Variants in DCAF6 observed in about 807,000 individuals in gnomAD.
The protein encoded by DCAF6 is DDB1- and CUL4-associated factor 6.
DCAF6 carries 54 observed loss-of-function variants against 125.1 expected under a neutral mutation model. That is an observed-to-expected ratio of 0.43 (90% CI 0.35 to 0.54). The LOEUF (loss-of-function observed/expected upper bound fraction) is 0.54. Among genes scored for constraint, DCAF6 ranks in the 20% least tolerant of loss-of-function variants. DCAF6 has a pLI of 0.01. For synonymous variants in DCAF6, 371 were observed against 390.4 expected (o/e 0.95, Z 0.58); for missense variants, 934 against 1,161.7 (o/e 0.80, Z 2.85).
the DCAF6 span, among the ~76,000 whole-genome samples, chr1:167,879,455 C>T: frequency 2.0e-5 from 3 of 151,966 alleles, no homozygotes; most frequent in Admixed American, 6.6e-5. Context: ...GAAATTTGAC[C>T]ATAAAATAAA....
chr1:168,039,263 A>G (rs1039388956), intron 13 of DCAF6, among the ~76,000 whole-genome samples: 1 of 152,020 alleles, frequency 6.6e-6, no homozygotes, highest in Non-Finnish European at 1.5e-5. Context: ...TATACGATTT[A>G]CTGTCTCCAG....
intron 21 of DCAF6, 109 bp downstream of exon 21, chr1:168,068,572 AG>A: frequency 2.0e-6 from 1 of 503,524 alleles, no homozygotes. Context: ...TCACAAAATG[AG>A]GGTAGCTTAA....
At chr1:167,991,450 AT>A (rs1680822685) in intron 6 of DCAF6, 111 bp downstream of exon 6, 2 of 1,052,500 alleles carry the variant, frequency 1.9e-6, no homozygotes, top group Non-Finnish European at 2.6e-6. Flanking sequence ...AGAAAATAGT[AT>A]TTGTTTAATA....
At chr1:168,014,338 G>A (rs1329817445) in intron 10 of DCAF6, among the ~76,000 whole-genome samples, 2 of 151,998 alleles carry the variant, frequency 1.3e-5, no homozygotes, top group East Asian at 1.9e-4. Flanking sequence ...ACAATTTCAC[G>A]ACTTAGCCTA....
intron 3 of DCAF6, among the ~76,000 whole-genome samples, chr1:167,969,702 G>C (rs964399913): frequency 6.6e-6 from 1 of 152,090 alleles, no homozygotes; most frequent in East Asian, 1.9e-4. Context: ...TCCTGGCTTA[G>C]CAAAAAAAGC....
At chr1:168,032,983 A>C (rs1282950977) in intron 12 of DCAF6, among the ~76,000 whole-genome samples, 1 of 152,080 alleles carries the variant, frequency 6.6e-6, no homozygotes, top group Non-Finnish European at 1.5e-5. Context: ...CATTTTGAAC[A>C]GTATTTAAAT....
chr1:167,881,093 C>T, the DCAF6 span, among the ~76,000 whole-genome samples: 1 of 152,142 alleles, frequency 6.6e-6, no homozygotes, highest in Non-Finnish European at 1.5e-5. Flanking sequence ...ATGTTTTTGG[C>T]TACTAAAAGA....
chr1:167,937,751 T>C (rs1210652981), intron 1 of DCAF6, among the ~76,000 whole-genome samples: 1 of 152,216 alleles, frequency 6.6e-6, no homozygotes, highest in Non-Finnish European at 1.5e-5. Flanking sequence ...ATAACATTTT[T>C]TTTTTGAGGA....
At chr1:168,056,303 C>A in intron 17 of DCAF6, 2 of 1,606,512 alleles carry the variant, frequency 1.2e-6, no homozygotes, top group South Asian at 1.1e-5. Flanking sequence ...CAGTGCGTAG[C>A]GTACGGACGG....
At chr1:168,070,857 C>T (rs1374594385) in intron 21 of DCAF6, among the ~76,000 whole-genome samples, 4 of 152,130 alleles carry the variant, frequency 2.6e-5, no homozygotes, top group Non-Finnish European at 5.9e-5. Flanking sequence ...CTCCTTTGCC[C>T]ACACATGTTC....
chr1:168,049,428 GTTGTTT>G (rs1301048605), intron 16 of DCAF6, among the ~76,000 whole-genome samples: 5 of 67,448 alleles, frequency 7.4e-5, no homozygotes, highest in African/African-American at 3.2e-4. Flanking sequence ...TGTTGTTGTT[GTTGTTT>G]TTTTTTTTTT....
intron 3 of DCAF6, among the ~76,000 whole-genome samples, chr1:167,969,868 C>T (rs1052212513): frequency 1.8e-4 from 28 of 152,208 alleles, no homozygotes; most frequent in African/African-American, 6.8e-4. Flanking sequence ...ACTCTGCCTC[C>T]CAGATTCAAG....
chr1:167,983,202 T>C (rs1000477511), intron 4 of DCAF6, among the ~76,000 whole-genome samples: 2 of 152,148 alleles, frequency 1.3e-5, no homozygotes, highest in African/African-American at 4.8e-5. Context: ...CTGTGAAAAA[T>C]GATGTTGGTA....
chr1:167,977,015 T>C (rs1678341030), intron 4 of DCAF6, among the ~76,000 whole-genome samples: 1 of 148,162 alleles, frequency 6.7e-6, no homozygotes, highest in South Asian at 2.2e-4. Flanking sequence ...GTAATTCTCC[T>C]GTCAGCCTCC....
At chr1:167,899,349 C>T in the DCAF6 span, 13 of 1,452,728 alleles carry the variant, frequency 8.9e-6, no homozygotes, top group African/African-American at 1.4e-5. Context: ...ACCAGCGTGC[C>T]CAGTGACTCT....
chr1:168,019,538 A>C (rs1437745838), intron 11 of DCAF6: 1 of 455,564 alleles, frequency 2.2e-6, no homozygotes, highest in African/African-American at 2.0e-5. Flanking sequence ...CTTTTTTTCC[A>C]TTTCAGGTCC....
At position 168,004,602 on chromosome 1, in the gene DCAF6, A is replaced by T; in HGVS notation, c.1187A>T (p.Glu396Val). The T allele has an allele frequency of 6.2e-7, 1 of 1,612,486 alleles. No homozygotes were observed. The highest frequency in any genetic ancestry group is 1.1e-5 in the South Asian group (1 of 90,892). Residue 396 changes from glutamate (E) to valine (V), a missense_variant, in exon 10 of 22, where the codon GAA becomes GTA. Physicochemically the swap from Glu to Val is moderately radical, Grantham distance 121 (BLOSUM62 -2). This residue lies in a region of DCAF6 where 559 missense variants were observed against 635.5 expected (regional missense o/e 0.88). Coordinates refer to ENST00000367840, the MANE Select transcript of DCAF6 (RefSeq NM_001198956.2). Reference sequence around the variant, plus strand: ...TCAAGTCCTGATTTGGAAGTGAGTGAAACTGCAATGGAAGTAGATACTCCA... The same window carrying T: ...TCAAGTCCTGATTTGGAAGTGAGTGTAACTGCAATGGAAGTAGATACTCCA... Reference protein sequence around the residue: ...VPSSPDLEVSETAMEVDTPAE... With the variant: ...VPSSPDLEVSVTAMEVDTPAE...
the DCAF6 span, among the ~76,000 whole-genome samples, chr1:167,874,812 C>G: frequency 6.6e-6 from 1 of 152,028 alleles, no homozygotes; most frequent in Non-Finnish European, 1.5e-5. Flanking sequence ...CTACACCCAA[C>G]AATATGGATG....
At position 168,003,758 on chromosome 1, in the gene DCAF6, T is replaced by C. The variant is rs1571893808; in HGVS notation, c.998-112T>C. 2.5e-5 allele frequency: 24 copies of C among 945,208 alleles called. No homozygotes were observed. The East Asian group carries it at 6.4e-4, about 25-fold the overall frequency. The allele number at this position is 945,208 out of a possible 1,614,324, so 58.6% of individuals were successfully genotyped here. On this transcript the variant is annotated intron_variant, in intron 8 of 21. Transcript: ENST00000367840. Reference sequence around the variant, plus strand: ...CATTCATACAATTTATTTAGGAAATTTGATTTTTAAAAATATGCTTTCATT... The same window carrying C: ...CATTCATACAATTTATTTAGGAAATCTGATTTTTAAAAATATGCTTTCATT...
Sources: gnomAD v4.1 joint callset for allele counts (sites outside exome capture counted in the v4.1 genomes callset) on GRCh38, gnomAD v4.1.1 for gene constraint, gnomAD v4.1.1 regional missense constraint, MANE v1.5 for transcripts, NCBI Gene and HGNC (gene_info 2026-07-23, HGNC 2026-07-21) for gene names.